MRPL37: variants seen among roughly 807,000 people sequenced by gnomAD.
MRPL37 encodes the protein mitochondrial ribosomal protein L37.
A neutral mutation model predicts 44.1 loss-of-function variants in MRPL37; 34 were observed. The ratio of observed to expected loss-of-function variants is 0.77; its 90% CI spans 0.59 to 1.03. MRPL37 has a LOEUF of 1.03. Among genes scored for constraint, MRPL37 ranks in the 50% least tolerant of loss-of-function variants. The probability of loss-of-function intolerance (pLI) is 0.00; values close to 1 mark genes in which losing one functional copy is unlikely to be tolerated. For missense variants in MRPL37, 532 were observed against 543.7 expected (o/e 0.98, Z 0.21); for synonymous variants, 212 against 219.5 (o/e 0.97, Z 0.30).
At chr1:54,220,600 C>G, downstream of MRPL37, 1 of 468,978 alleles carries the variant, frequency 2.1e-6, no homozygotes, top group Non-Finnish European at 4.4e-6. Context: ...TGACAGCTGC[C>G]CCCTCCACAG....
At chr1:54,216,423 G>A (rs530598146) in intron 6 of MRPL37, 79 bp downstream of exon 6, 2 of 1,514,530 alleles carry the variant, frequency 1.3e-6, no homozygotes, top group African/African-American at 1.4e-5. Context: ...TGGGATTGCT[G>A]GGGTGCTCTG....
chr1:54,215,361 T>C (rs981487348), intron 5 of MRPL37, among the ~76,000 whole-genome samples: 2 of 152,192 alleles, frequency 1.3e-5, no homozygotes, highest in Non-Finnish European at 2.9e-5. Context: ...TGACCTGATG[T>C]AAAACTGGCA....
intron 6 of MRPL37, among the ~76,000 whole-genome samples, chr1:54,217,772 C>G (rs926598195): frequency 3.3e-5 from 5 of 152,138 alleles, no homozygotes; most frequent in African/African-American, 1.2e-4. Context: ...AGGACAGGAA[C>G]CAGAGTCAAG....
At chr1:54,225,146 G>A (rs530988756), downstream of MRPL37, 99 of 1,234,338 alleles carry the variant, frequency 8.0e-5, no homozygotes, top group Admixed American at 1.0e-3. Flanking sequence ...ACATTCCAGC[G>A]GACCAAAATG....
chr1:54,202,988 A>C (rs923610637), intron 1 of MRPL37, among the ~76,000 whole-genome samples: 1 of 152,160 alleles, frequency 6.6e-6, no homozygotes, highest in Non-Finnish European at 1.5e-5. Flanking sequence ...TTAGATACCT[A>C]GGTCTATGCA....
At chr1:54,221,785 A>C (rs1409696590), downstream of MRPL37, among the ~76,000 whole-genome samples, 2 of 152,216 alleles carry the variant, frequency 1.3e-5, no homozygotes, top group Admixed American at 1.3e-4. Context: ...ATAGGTCCAG[A>C]CTGGAGATTG....
chr1:54,202,004 C>CTT (rs772612874), intron 1 of MRPL37, among the ~76,000 whole-genome samples: 3 of 141,202 alleles, frequency 2.1e-5, no homozygotes, highest in Admixed American at 1.4e-4. Context: ...CCAGAAGTTA[C>CTT]TTTTTTTTTT....
downstream of MRPL37, chr1:54,220,582 G>A (rs762630085): frequency 7.8e-5 from 36 of 461,818 alleles, no homozygotes; most frequent in Non-Finnish European, 1.3e-4. Flanking sequence ...TGGGAAGCTC[G>A]TGTGTCATGA....
chr1:54,219,057 T>C (rs1226207896), downstream of MRPL37, among the ~76,000 whole-genome samples: 2 of 152,176 alleles, frequency 1.3e-5, no homozygotes, highest in Non-Finnish European at 2.9e-5. Context: ...CAGGAACCTG[T>C]GGAGAGCGAA....
At chr1:54,201,302 T>C (rs906874192) in intron 1 of MRPL37, among the ~76,000 whole-genome samples, 10 of 152,140 alleles carry the variant, frequency 6.6e-5, no homozygotes, top group Non-Finnish European at 1.3e-4. Context: ...TCTGGCAAGA[T>C]TGGGGGACTA....
Position 54,200,282 on chromosome 1 carries a change from TG to T in MRPL37, c.41del (p.Gly14AlafsTer104), listed in dbSNP as rs1172187068. ...ASGPARRALAGSGQLGLGGFG... is the reference protein window; with the variant it reads ...ASGPARRALAXSGQLGLGGFG... ...CCGGGCCCGCAAGGCGGGCGCTAGC[TG>T]GCTCCGGGCAGCTCGGCCTTGGGGG... On this transcript the variant is annotated frameshift_variant, in exon 1 of 7. Coordinates refer to ENST00000360840, the MANE Select transcript of MRPL37 (RefSeq NM_016491.4). LOFTEE classifies it high-confidence loss of function. The T allele has an allele frequency of 6.2e-7, 1 of 1,604,298 alleles. No homozygotes were observed. Among genetic ancestry groups the T allele is most frequent in the African/African-American group, 1.3e-5 (1 of 74,440 alleles).
At chr1:54,204,383 G>A (rs905122297) in intron 1 of MRPL37, among the ~76,000 whole-genome samples, 1 of 150,914 alleles carries the variant, frequency 6.6e-6, no homozygotes. Flanking sequence ...GCGACAGAGC[G>A]AGACTTTGTC....
chr1:54,212,453 A>G (rs1204120490), intron 4 of MRPL37, 48 bp from the exon 5 acceptor site: 1 of 1,598,598 alleles, frequency 6.3e-7, no homozygotes, highest in Non-Finnish European at 8.5e-7. Context: ...GCTTTGTGGC[A>G]GGCTGATGAA....
intron 1 of MRPL37, among the ~76,000 whole-genome samples, chr1:54,202,124 C>T (rs1413682301): frequency 6.6e-6 from 1 of 151,870 alleles, no homozygotes; most frequent in Non-Finnish European, 1.5e-5. Context: ...ACCTCAGCTT[C>T]CTGAGTAGCT....
intron 3 of MRPL37, among the ~76,000 whole-genome samples, chr1:54,206,333 C>T (rs1377183862): frequency 6.6e-6 from 1 of 151,944 alleles, no homozygotes; most frequent in Non-Finnish European, 1.5e-5. Flanking sequence ...AGGATGGTCT[C>T]GATCTCCTGA....
At chr1:54,211,880 C>T (rs1345095027) in intron 4 of MRPL37, among the ~76,000 whole-genome samples, 1 of 152,170 alleles carries the variant, frequency 6.6e-6, no homozygotes, top group Non-Finnish European at 1.5e-5. Context: ...AAGAGTTACT[C>T]GTAGCCATGC....
At chr1:54,204,899 A>G (rs1013797408) in intron 1 of MRPL37, 119 bp from the exon 2 acceptor site, 2 of 1,194,280 alleles carry the variant, frequency 1.7e-6, no homozygotes, top group African/African-American at 3.1e-5. Context: ...GTGTCACAGA[A>G]CAAATCCAGT....
downstream of MRPL37, chr1:54,225,474 T>A: frequency 1.7e-6 from 2 of 1,175,408 alleles, no homozygotes; most frequent in Non-Finnish European, 2.1e-6. Context: ...TATCAACATA[T>A]ATCGTACACA....
Position 54,200,210 on chromosome 1 carries a change from G to T in MRPL37, c.-34G>T. 3 of 1,511,840 alleles carry T rather than the reference G, an allele frequency of 2.0e-6. No homozygotes were observed. The highest frequency in any genetic ancestry group is 2.6e-6 in the Non-Finnish European group (3 of 1,137,290). The allele number at this position is 1,511,840 out of a possible 1,614,324, so 93.7% of individuals were successfully genotyped here. ...GCCCTGCGCGCGGCAACATGGCGGG[G>T]TCCAGGTGGAGGTCTTGAGGCTATC... is the stretch of plus-strand genomic sequence containing the variant. On this transcript the variant is annotated 5_prime_UTR_variant, in exon 1 of 7. Transcript: ENST00000360840.
Sources: allele counts gnomAD v4.1 joint callset (sites outside exome capture counted in the v4.1 genomes callset), GRCh38; gene constraint gnomAD v4.1.1; transcripts MANE v1.5; gene names NCBI Gene and HGNC (gene_info 2026-07-23, HGNC 2026-07-21).